The following RNF14 variants were observed in gnomAD, a reference collection of about 807,000 sequenced individuals.
RNF14 encodes E3 ubiquitin-protein ligase RNF14.
Under a neutral mutation model 52.6 loss-of-function variants are expected in RNF14, and 26 were observed. The observed-to-expected ratio is 0.49, with a 90% CI of 0.36 to 0.69. The LOEUF is 0.69. RNF14 is among the 30% of genes least tolerant of loss of function. The pLI, the probability that RNF14 is intolerant of heterozygous loss-of-function variation, is 0.00. For missense variants in RNF14, 404 were observed against 560.4 expected, an observed-to-expected ratio of 0.72 and a Z score of 2.82; for synonymous variants, 194 against 202.0, an observed-to-expected ratio of 0.96 and a Z score of 0.34.
the RNF14 span, among the ~76,000 whole-genome samples, chr5:141,950,213 AGTCTCCTGCT>A: frequency 6.6e-6 from 1 of 152,176 alleles, no homozygotes. Flanking sequence ...CCTGCACCCC[AGTCTCCTGCT>A]GTCTCCATCC....
At chr5:141,975,803 T>G (rs190876636) in intron 4 of RNF14, among the ~76,000 whole-genome samples, 21 of 152,056 alleles carry the variant, frequency 1.4e-4, no homozygotes, top group Non-Finnish European at 2.4e-4. Flanking sequence ...TGCGTCCCTG[T>G]AATCCCAGAT....
At position 141,973,569 on chromosome 5, in the gene RNF14, T is replaced by C; in HGVS notation, c.-6-14T>C. 1.9e-6 allele frequency: 3 copies of C among 1,602,208 alleles called. No individual in the cohort carries two copies. Among genetic ancestry groups the C allele is most frequent in the Non-Finnish European group, 2.6e-6 (3 of 1,175,660 alleles). On this transcript the variant is annotated splice_polypyrimidine_tract_variant and intron_variant, in intron 2 of 8. Coordinates refer to ENST00000394520, the MANE Select transcript of RNF14 (RefSeq NM_004290.5). ...TGTGCATTTTCTGTTCTTAACTGAT[T>C]TTAATGTTTTCAGGTCCTTATGTCG...
intron 4 of RNF14, among the ~76,000 whole-genome samples, chr5:141,977,563 G>C (rs1328274180): frequency 2.0e-5 from 3 of 152,208 alleles, no homozygotes; most frequent in Admixed American, 6.5e-5. Context: ...TTTTAAAGAG[G>C]AAAATTCCAA....
upstream of RNF14, among the ~76,000 whole-genome samples, chr5:141,954,372 T>C (rs1320212254): frequency 6.6e-6 from 1 of 152,158 alleles, no homozygotes; most frequent in Non-Finnish European, 1.5e-5. Flanking sequence ...GGCAGGCAAA[T>C]AGTGGAGATG....
At chr5:141,956,589 C>A, upstream of RNF14, 1 of 1,614,212 alleles carries the variant, frequency 6.2e-7, no homozygotes, top group Non-Finnish European at 8.5e-7. Flanking sequence ...TGGGCCACTG[C>A]TCTCTGTCCA....
chr5:141,974,993 G>T, intron 4 of RNF14, 38 bp downstream of exon 4: 1 of 1,595,838 alleles, frequency 6.3e-7, no homozygotes, highest in Non-Finnish European at 8.6e-7. Flanking sequence ...TCCATTTTTA[G>T]AAACTTAAAA....
At chr5:141,959,568 A>G (rs947684000) in intron 1 of RNF14, among the ~76,000 whole-genome samples, 1 of 152,188 alleles carries the variant, frequency 6.6e-6, no homozygotes, top group Non-Finnish European at 1.5e-5. Flanking sequence ...TTGGGGCCAG[A>G]GATGCCATGT....
the RNF14 span, among the ~76,000 whole-genome samples, chr5:141,950,682 T>C: frequency 6.6e-6 from 1 of 152,104 alleles, no homozygotes. Flanking sequence ...TCACCATCCT[T>C]GTAAAAAGAA....
chr5:141,955,163 C>G, upstream of RNF14: 2 of 1,614,230 alleles, frequency 1.2e-6, no homozygotes, highest in East Asian at 4.5e-5. The surrounding 1 kb of genome is among the most constrained non-coding windows in gnomAD (Gnocchi z 5.5). Flanking sequence ...GGGGCTTCCT[C>G]ACTGCCCTGG....
the RNF14 span, chr5:141,949,731 A>T: frequency 3.8e-6 from 3 of 794,308 alleles, no homozygotes; most frequent in Non-Finnish European, 5.8e-6. Flanking sequence ...GGATCATGTG[A>T]TTCCCGCCCT....
At position 141,983,429 on chromosome 5, in the gene RNF14, T is replaced by C. The variant is rs533926397; in HGVS notation, c.1113T>C (p.Asn371=). 3.7e-6 allele frequency: 6 copies of C among 1,613,790 alleles called. No homozygotes were observed. The African/African-American group carries it at 5.3e-5, about 14-fold the overall frequency. Residue 371 remains asparagine (N), a synonymous_variant, in exon 7 of 9, where the codon AAT becomes AAC. Coordinates refer to ENST00000394520, the MANE Select transcript of RNF14 (RefSeq NM_004290.5). ...RNEYLQADEA[N]KRLLDQRYGK... is the part of the protein sequence containing the mutation. Reference sequence around the variant, plus strand: ...AATACCTGCAAGCGGATGAGGCTAATAAAAGACTTTTGGATCAAAGGTATG... The same window carrying C: ...AATACCTGCAAGCGGATGAGGCTAACAAAAGACTTTTGGATCAAAGGTATG...
In RNF14 at chr5:141,978,314, A is replaced by G. The variant is rs778522939; in HGVS notation, c.318A>G (p.Leu106=). The change falls in exon 5 of 9, where the codon CTA becomes CTG. Residue 106 remains leucine (L), a synonymous_variant. Coordinates refer to ENST00000394520, the MANE Select transcript of RNF14 (RefSeq NM_004290.5). ...GTGTTTTCTCCTAGCTATCTGCTCTATGCAAGCACTTAGACAACCTATGGG... is the reference window on the plus strand; with the variant it reads ...GTGTTTTCTCCTAGCTATCTGCTCTGTGCAAGCACTTAGACAACCTATGGG... ...KWLSPTQLSA[L]CKHLDNLWEE... is the part of the protein sequence containing the mutation. The G allele has an allele frequency of 1.1e-5, 17 of 1,599,762 alleles. No homozygotes were observed. In the Admixed American group the frequency reaches 1.4e-4, roughly 13 times the overall value.
chr5:141,963,159 C>T (rs1279819742), upstream of RNF14: 1 of 152,330 alleles, frequency 6.6e-6, no homozygotes, highest in Non-Finnish European at 1.5e-5. Context: ...GGTTTTCCTT[C>T]CTTCTAACTC....
upstream of RNF14, among the ~76,000 whole-genome samples, chr5:141,954,788 G>A (rs1236310333): frequency 3.3e-5 from 5 of 152,182 alleles, no homozygotes; most frequent in Admixed American, 6.5e-5. Context: ...ATTTGCCTAG[G>A]ATCACACAGC....
intron 4 of RNF14, among the ~76,000 whole-genome samples, chr5:141,975,338 A>G (rs950147199): frequency 4.6e-5 from 7 of 152,240 alleles, no homozygotes; most frequent in Admixed American, 2.6e-4. Context: ...GAAAGATTCC[A>G]TTGTAATTAG....
At chr5:141,987,631 T>C in intron 8 of RNF14, 102 bp from the exon 9 acceptor site, 1 of 1,117,808 alleles carries the variant, frequency 8.9e-7, no homozygotes, top group Non-Finnish European at 1.4e-6. Context: ...AGAAAAGATG[T>C]ACAAAGATGT....
chr5:141,961,039 G>T (rs2126935698), intron 1 of RNF14, among the ~76,000 whole-genome samples: 1 of 152,284 alleles, frequency 6.6e-6, no homozygotes, highest in Middle Eastern at 3.4e-3. Context: ...AACAGGAGAA[G>T]CTACTCACTG....
chr5:141,958,930 G>A (rs1470647562), intron 1 of RNF14: 1 of 152,310 alleles, frequency 6.6e-6, no homozygotes, highest in Non-Finnish European at 1.5e-5. Context: ...CACACCCTAT[G>A]GCTACCTCTG....
intron 6 of RNF14, 136 bp downstream of exon 6, chr5:141,980,487 T>A: frequency 1.4e-6 from 1 of 714,122 alleles, no homozygotes; most frequent in Non-Finnish European, 2.4e-6. Context: ...AGTGACTATC[T>A]CAGGCCTTGG....
Sources: allele counts gnomAD v4.1 joint callset (sites outside exome capture counted in the v4.1 genomes callset), GRCh38; gene constraint gnomAD v4.1.1; non-coding constraint Gnocchi (gnomAD v3.1); transcripts MANE v1.5; gene names NCBI Gene and HGNC (gene_info 2026-07-23, HGNC 2026-07-21).